Variants in FABP6 observed in about 807,000 individuals in gnomAD.
FABP6 encodes fatty acid binding protein 6.
FABP6 carries 13 observed loss-of-function variants against 14.9 expected under a neutral mutation model. That is an observed-to-expected ratio of 0.87 (90% confidence interval 0.57 to 1.39). The LOEUF is 1.39. FABP6 is among the 40% of genes most tolerant of loss of function. The pLI is 0.00. For synonymous variants in FABP6, 75 were observed against 63.6 expected, an observed-to-expected ratio of 1.18 and a Z score of -0.85; for missense variants, 161 against 167.2, an observed-to-expected ratio of 0.96 and a Z score of 0.20.
upstream of FABP6, among the ~76,000 whole-genome samples, chr5:160,226,031 G>C (rs561724010): frequency 4.0e-5 from 6 of 151,794 alleles, no homozygotes; most frequent in East Asian, 1.2e-3. Context: ...AAAATTAGCC[G>C]GGCGTGGTGG....
chr5:160,235,903 C>T (rs1760503526), intron 3 of FABP6, among the ~76,000 whole-genome samples: 1 of 152,130 alleles, frequency 6.6e-6, no homozygotes, highest in Admixed American at 6.6e-5. Context: ...TTATTTCACA[C>T]AGCTCTGGAA....
intron 2 of FABP6, among the ~76,000 whole-genome samples, chr5:160,210,488 A>T (rs1049967932): frequency 2.0e-5 from 3 of 152,168 alleles, no homozygotes; most frequent in African/African-American, 7.2e-5. Context: ...CAAGTGGGGT[A>T]GATCATGTGG....
chr5:160,199,042 A>C (rs560214423), intron 1 of FABP6: 1 of 1,574,026 alleles, frequency 6.4e-7, no homozygotes, highest in African/African-American at 1.3e-5. Context: ...TTTTTGTGTC[A>C]TTGCAGACTT....
At chr5:160,189,537 C>G (rs1026646008) in intron 1 of FABP6, among the ~76,000 whole-genome samples, 13 of 152,306 alleles carry the variant, frequency 8.5e-5, no homozygotes, top group African/African-American at 3.1e-4. Context: ...GCCACCGCGT[C>G]AGGCCAAGAA....
chr5:160,206,693 C>T (rs1444261361), intron 2 of FABP6, among the ~76,000 whole-genome samples: 1 of 152,168 alleles, frequency 6.6e-6, no homozygotes, highest in Non-Finnish European at 1.5e-5. Context: ...GTCTAAACAG[C>T]CACAAAGTGC....
chr5:160,213,584 G>A, intron 2 of FABP6: 5 of 666,438 alleles, frequency 7.5e-6, no homozygotes, highest in Non-Finnish European at 8.1e-6. Context: ...ATATCCTTTT[G>A]ATAAATTTCT....
intron 2 of FABP6, among the ~76,000 whole-genome samples, chr5:160,205,434 A>C (rs1049124988): frequency 2.0e-5 from 3 of 152,046 alleles, no homozygotes; most frequent in Admixed American, 1.3e-4. Flanking sequence ...ACAAGTGTGC[A>C]CACTCCTTTA....
At chr5:160,199,974 C>T (rs1759602024) in intron 2 of FABP6, among the ~76,000 whole-genome samples, 1 of 152,208 alleles carries the variant, frequency 6.6e-6, no homozygotes, top group Non-Finnish European at 1.5e-5. Flanking sequence ...TGCCACTCAC[C>T]GTGCAGGCGC....
chr5:160,219,348 A>G (rs1411822310), intron 3 of FABP6, among the ~76,000 whole-genome samples: 1 of 152,180 alleles, frequency 6.6e-6, no homozygotes, highest in Non-Finnish European at 1.5e-5. Context: ...GGCCCAGGGG[A>G]ATTAGCCTTG....
At chr5:160,224,768 A>G (rs1045253284), upstream of FABP6, among the ~76,000 whole-genome samples, 1 of 147,618 alleles carries the variant, frequency 6.8e-6, no homozygotes, top group African/African-American at 2.5e-5. Context: ...CTCTACAATA[A>G]TTTTTTCCTT....
chr5:160,204,502 G>C (rs1047490982), intron 2 of FABP6, among the ~76,000 whole-genome samples: 3 of 151,690 alleles, frequency 2.0e-5, no homozygotes, highest in Non-Finnish European at 4.4e-5. Flanking sequence ...TTTTTAGGGG[G>C]GGTGGGGATG....
At chr5:160,213,322 A>C (rs1027010370) in intron 2 of FABP6, among the ~76,000 whole-genome samples, 1 of 152,214 alleles carries the variant, frequency 6.6e-6, no homozygotes, top group East Asian at 1.9e-4. Context: ...TCTGCAGCTC[A>C]TGATACAAAT....
intron 3 of FABP6, among the ~76,000 whole-genome samples, chr5:160,237,248 C>T (rs1457977243): frequency 6.6e-6 from 1 of 152,062 alleles, no homozygotes; most frequent in African/African-American, 2.4e-5. Flanking sequence ...ATTGATCTTC[C>T]CAAGCTGAGC....
chr5:160,232,680 C>T (rs1202106247), intron 2 of FABP6, among the ~76,000 whole-genome samples: 3 of 151,860 alleles, frequency 2.0e-5, no homozygotes, highest in South Asian at 4.2e-4. Flanking sequence ...GTGGATGGCT[C>T]GAGGCCAGGA....
In FABP6 at chr5:160,232,218, AG is replaced by A; in HGVS notation, c.189del (p.Lys63AsnfsTer31). On this transcript the variant is annotated frameshift_variant, in exon 2 of 4. Coordinates refer to ENST00000402432, the MANE Select transcript of FABP6 (RefSeq NM_001445.3). LOFTEE classifies it high-confidence loss of function. ...TCCGGGGGCCACACCATGACCAACA[AG>A]TTCACTGTTGGCAAGGAAAGCAACA... The part of the protein sequence containing the change: ...HYSGGHTMTN[K>X]FTVGKESNIQ... The A allele has an allele frequency of 6.2e-7, 1 of 1,613,186 alleles. No homozygotes were observed. Among genetic ancestry groups the A allele is most frequent in the South Asian group, 1.1e-5 (1 of 90,850 alleles).
chr5:160,208,755 C>G (rs1165874245), intron 2 of FABP6, among the ~76,000 whole-genome samples: 1 of 151,062 alleles, frequency 6.6e-6, no homozygotes, highest in Non-Finnish European at 1.5e-5. Flanking sequence ...TAGGGAGACC[C>G]CATTTCTTTT....
At chr5:160,210,920 G>A (rs538891241) in intron 2 of FABP6, among the ~76,000 whole-genome samples, 22 of 152,268 alleles carry the variant, frequency 1.4e-4, no homozygotes, top group Admixed American at 1.0e-3. Context: ...GTTTGCCAGT[G>A]GCAGGAGAGG....
At chr5:160,223,933 C>T (rs761195391) in intron 3 of FABP6, among the ~76,000 whole-genome samples, 778 of 76,800 alleles carry the variant, frequency 0.01, 1 homozygote, top group Non-Finnish European at 0.013. Context: ...GATCCCATCT[C>T]TACAAAAAAA....
At chr5:160,205,106 T>C (rs1759733324) in intron 2 of FABP6, among the ~76,000 whole-genome samples, 2 of 152,124 alleles carry the variant, frequency 1.3e-5, no homozygotes, top group Non-Finnish European at 2.9e-5. Context: ...CGTCTCCCAC[T>C]GCCAGTATTG....
Sources: gnomAD v4.1 joint callset for allele counts (sites outside exome capture counted in the v4.1 genomes callset) on GRCh38, gnomAD v4.1.1 for gene constraint, MANE v1.5 for transcripts, NCBI Gene and HGNC (gene_info 2026-07-23, HGNC 2026-07-21) for gene names.